CDK5RAP2: variants seen among roughly 807,000 people sequenced by gnomAD.
CDK5RAP2 encodes the protein CDK5 regulatory subunit-associated protein 2.
CDK5RAP2 carries 147 observed loss-of-function variants against 232.9 expected under a neutral mutation model. The observed-to-expected ratio is 0.63, with a 90% CI of 0.55 to 0.72. The LOEUF is 0.72. CDK5RAP2 is among the 30% of genes least tolerant of loss of function. The pLI, the probability that CDK5RAP2 is intolerant of heterozygous loss-of-function variation, is 0.00. For missense variants in CDK5RAP2, 2,195 were observed against 2,231.5 expected (o/e 0.98, Z 0.33); for synonymous variants, 833 against 833.7 (o/e 1.00, Z 0.01).
chr9:120,523,736 T>G (rs1476282141), intron 11 of CDK5RAP2, among the ~76,000 whole-genome samples: 3 of 152,238 alleles, frequency 2.0e-5, no homozygotes, highest in Admixed American at 2.0e-4. Context: ...AGTATGGACT[T>G]ACTTTGATGA....
intron 7 of CDK5RAP2, chr9:120,532,501 CA>C (rs2041197871): frequency 6.6e-6 from 1 of 152,244 alleles, no homozygotes; most frequent in African/African-American, 2.4e-5. Context: ...ATCTGTGTCG[CA>C]GATCTGGATC....
Position 120,407,214 on chromosome 9 carries a change from A to C in CDK5RAP2, c.4761T>G (p.Pro1587=). The change falls in exon 32 of 38, where the codon CCT becomes CCG. Residue 1587 remains proline (P), a synonymous_variant. Transcript: ENST00000349780. ...ASGEGWKGQD[P]FRDLHSLLME... Reference sequence around the variant, plus strand: ...TCAGGAGGCTGTGCAGGTCCCTGAAAGGATCCTGCCCCTTCCAGCCTTCTC... The same window carrying C: ...TCAGGAGGCTGTGCAGGTCCCTGAACGGATCCTGCCCCTTCCAGCCTTCTC... 6.2e-7 allele frequency: 1 copy of C among 1,613,548 alleles called. No homozygotes were observed. Among genetic ancestry groups the C allele is most frequent in the Non-Finnish European group, 8.5e-7 (1 of 1,180,014 alleles).
At chr9:120,460,195 A>G (rs1212834158) in intron 19 of CDK5RAP2, among the ~76,000 whole-genome samples, 2 of 152,100 alleles carry the variant, frequency 1.3e-5, no homozygotes, top group African/African-American at 4.8e-5. Context: ...TCTTATCCCA[A>G]CTCTATCACT....
chr9:120,476,453 G>A (rs1397894291), intron 15 of CDK5RAP2, among the ~76,000 whole-genome samples: 2 of 151,924 alleles, frequency 1.3e-5, no homozygotes, highest in Admixed American at 1.3e-4. Flanking sequence ...GCGGAGGTGG[G>A]TGGATCCTGA....
chr9:120,552,850 A>G (rs1176389295), intron 3 of CDK5RAP2, among the ~76,000 whole-genome samples: 2 of 152,288 alleles, frequency 1.3e-5, no homozygotes, highest in Non-Finnish European at 2.9e-5. Context: ...TAATTTAAAA[A>G]AAAAAAAGAG....
intron 25 of CDK5RAP2, among the ~76,000 whole-genome samples, chr9:120,431,805 T>C (rs1433281116): frequency 1.3e-5 from 2 of 152,146 alleles, no homozygotes; most frequent in Non-Finnish European, 2.9e-5. Context: ...ACAGACAAAA[T>C]ACCACCTGCC....
chr9:120,419,681 A>C, intron 27 of CDK5RAP2, 107 bp downstream of exon 27: 1 of 875,368 alleles, frequency 1.1e-6, no homozygotes, highest in Non-Finnish European at 1.9e-6. Context: ...ATCTCCTTTC[A>C]TCAGAGAAAT....
intron 10 of CDK5RAP2, 143 bp downstream of exon 10, chr9:120,527,663 T>A (rs971387829): frequency 4.7e-6 from 4 of 858,804 alleles, no homozygotes; most frequent in Non-Finnish European, 7.2e-6. Flanking sequence ...GAATTTCCGG[T>A]TGACTAGAGG....
intron 20 of CDK5RAP2, among the ~76,000 whole-genome samples, chr9:120,456,595 T>A (rs893397830): frequency 3.3e-5 from 5 of 152,212 alleles, no homozygotes; most frequent in African/African-American, 1.2e-4. Flanking sequence ...AATGTGAAAT[T>A]ACCTAGACAA....
At chr9:120,528,916 G>A (rs764617246) in intron 8 of CDK5RAP2, 119 bp from the exon 9 acceptor site, 15 of 737,184 alleles carry the variant, frequency 2.0e-5, no homozygotes, top group Admixed American at 9.9e-5. Context: ...TGTGGAACTC[G>A]TTAAAACAAG....
Position 120,437,284 on chromosome 9 carries a change from A to T in CDK5RAP2, c.3955+11T>A. 1 of 1,592,534 alleles carries T rather than the reference A, an allele frequency of 6.3e-7. No homozygotes were observed. ...TGATGTCTTAAGACTCGCGTACCTC[A>T]CCCTACCTACCGTTGAGAAATAGCT... is the stretch of plus-strand genomic sequence containing the variant. On this transcript the variant is annotated intron_variant, in intron 25 of 37. Coordinates refer to ENST00000349780, the MANE Select transcript of CDK5RAP2 (RefSeq NM_018249.6).
intron 12 of CDK5RAP2, among the ~76,000 whole-genome samples, chr9:120,503,036 A>G (rs566449694): frequency 6.6e-6 from 1 of 152,336 alleles, no homozygotes; most frequent in East Asian, 1.9e-4. Flanking sequence ...ACAAAGCTTT[A>G]CAAAAGCTCT....
At chr9:120,557,627 C>T (rs2042279370) in intron 3 of CDK5RAP2, among the ~76,000 whole-genome samples, 1 of 152,002 alleles carries the variant, frequency 6.6e-6, no homozygotes, top group South Asian at 2.1e-4. Context: ...GGTATAGTGG[C>T]ACACACCTGT....
At chr9:120,480,409 T>C (rs2038237342) in intron 14 of CDK5RAP2, among the ~76,000 whole-genome samples, 1 of 152,222 alleles carries the variant, frequency 6.6e-6, no homozygotes, top group African/African-American at 2.4e-5. Flanking sequence ...GTAATACTAG[T>C]AGTATTACCT....
chr9:120,388,995 C>T lies in CDK5RAP2; in HGVS notation c.*241G>A, dbSNP rs530015612. 19 of 587,382 alleles carry T rather than the reference C, an allele frequency of 3.2e-5. No individual in the cohort carries two copies. The highest frequency in any genetic ancestry group is 1.1e-4 in the East Asian group (4 of 35,576). 36.4% of individuals were successfully genotyped at this position (587,382 alleles called of 1,614,324 possible). A position where few individuals can be genotyped will look rare whatever the true frequency, so the allele number is the denominator to read the frequency against. On this transcript the variant is annotated 3_prime_UTR_variant, in exon 38 of 38. Coordinates refer to ENST00000349780, the MANE Select transcript of CDK5RAP2 (RefSeq NM_018249.6). ...CACAGCCTCAACTCCGGTGCCTGCC[C>T]CTGATCTGAAATACAACATCCAAGA...
intron 3 of CDK5RAP2, among the ~76,000 whole-genome samples, chr9:120,564,741 T>A (rs2042587695): frequency 6.6e-6 from 1 of 152,166 alleles, no homozygotes; most frequent in Non-Finnish European, 1.5e-5. Context: ...AAAGCCAAGA[T>A]TAAACTCTTC....
chr9:120,565,453 C>T (rs2132157150), intron 3 of CDK5RAP2, among the ~76,000 whole-genome samples: 1 of 152,294 alleles, frequency 6.6e-6, no homozygotes, highest in Non-Finnish European at 1.5e-5. Context: ...TTTCCCTCCC[C>T]AGATTAAAAT....
intron 24 of CDK5RAP2, 30 bp downstream of exon 24, chr9:120,439,368 TA>T (rs1462582699): frequency 2.5e-6 from 4 of 1,585,458 alleles, no homozygotes; most frequent in Non-Finnish European, 3.5e-6. Flanking sequence ...ACTACAGGCT[TA>T]AACGGGGAGA....
chr9:120,435,733 C>A (rs2035545543), intron 25 of CDK5RAP2, among the ~76,000 whole-genome samples: 1 of 152,020 alleles, frequency 6.6e-6, no homozygotes, highest in African/African-American at 2.4e-5. Flanking sequence ...TGCCACTTAC[C>A]AAATCTGGGA....
Sources: gnomAD v4.1 joint callset for allele counts (sites outside exome capture counted in the v4.1 genomes callset) on GRCh38, gnomAD v4.1.1 for gene constraint, MANE v1.5 for transcripts, NCBI Gene and HGNC (gene_info 2026-07-23, HGNC 2026-07-21) for gene names.